CLIP2: variants seen among roughly 807,000 people sequenced by gnomAD.
CLIP2 encodes CAP-Gly domain containing linker protein 2.
CLIP2 carries 41 observed loss-of-function variants against 111.7 expected under a neutral mutation model. The ratio of observed to expected loss-of-function variants is 0.37; its 90% CI spans 0.29 to 0.48. The LOEUF is 0.48. Ranked by LOEUF, CLIP2 falls within the 20% of genes least tolerant of loss-of-function variation. The pLI, the probability that CLIP2 is intolerant of heterozygous loss-of-function variation, is 0.99. For missense variants in CLIP2, 1,160 were observed against 1,422.1 expected (o/e 0.82, Z 2.96); for synonymous variants, 660 against 644.2 (o/e 1.02, Z -0.37).
intron 1 of CLIP2, among the ~76,000 whole-genome samples, chr7:74,298,878 G>T (rs1477876601): frequency 1.3e-5 from 2 of 152,080 alleles, no homozygotes; most frequent in African/African-American, 4.8e-5. Context: ...AAAAAGTTGC[G>T]CCCAGTGAGA....
Position 74,376,859 on chromosome 7 carries a change from G to C in CLIP2, c.2421+37G>C, listed in dbSNP as rs782478340. 8 of 1,485,572 alleles carry C rather than the reference G, an allele frequency of 5.4e-6. No individual in the cohort carries two copies. Among genetic ancestry groups the C allele is most frequent in the Non-Finnish European group, 6.3e-6 (7 of 1,115,224 alleles). 92.0% of individuals were successfully genotyped at this position (1,485,572 alleles called of 1,614,324 possible). A position where few individuals can be genotyped will look rare whatever the true frequency, so the allele number is the denominator to read the frequency against. On this transcript the variant is annotated intron_variant, in intron 10 of 16. Coordinates refer to ENST00000223398, the MANE Select transcript of CLIP2 (RefSeq NM_003388.5). This position sits in a 1 kb window ranked among gnomAD's most constrained non-coding sequence, Gnocchi z 7.1. ...CCCCTCCTGCTGGGGCGGGAGGGTC[G>C]GGCTGGGGAGGGCTTGGCCTTTTGC...
At chr7:74,306,053 C>T (rs1222616378) in intron 1 of CLIP2, among the ~76,000 whole-genome samples, 3 of 152,228 alleles carry the variant, frequency 2.0e-5, no homozygotes, top group African/African-American at 7.2e-5. Context: ...TGCTGCCTTC[C>T]AGCCCCACCA....
chr7:74,387,997 A>G (rs547519079), intron 12 of CLIP2, among the ~76,000 whole-genome samples: 3 of 152,190 alleles, frequency 2.0e-5, no homozygotes, highest in Admixed American at 1.3e-4. Flanking sequence ...AGACCAGCCT[A>G]TGAAACATTG....
intron 8 of CLIP2, among the ~76,000 whole-genome samples, chr7:74,371,426 G>A (rs1294875290): frequency 6.6e-6 from 1 of 151,546 alleles, no homozygotes; most frequent in East Asian, 1.9e-4. Context: ...CCACCGACGG[G>A]GATAGGGGTG....
intron 14 of CLIP2, among the ~76,000 whole-genome samples, chr7:74,399,839 C>T (rs1791568616): frequency 6.6e-6 from 1 of 151,132 alleles, no homozygotes; most frequent in African/African-American, 2.4e-5. Context: ...CAGGCTCGGT[C>T]TCTGTCTCTT....
rs563297345 is a variant in CLIP2 at position 74,347,677 on chromosome 7, C to T, written c.679-6203C>T. On this transcript the variant is annotated intron_variant, in intron 3 of 16. Transcript: ENST00000223398. ...TTACAGGAAACTTCTCTGGAGAAAA[C>T]AGCTGGTCCTCTGAGAAATAAGAGA... is the stretch of plus-strand genomic sequence containing the variant. Among the ~76,000 whole-genome samples, 10 of 152,328 alleles carry T rather than the reference C, an allele frequency of 6.6e-5. No homozygotes were observed. The East Asian group carries it at 1.9e-3, about 29-fold the overall frequency.
chr7:74,350,168 C>T (rs1789943052), intron 3 of CLIP2, among the ~76,000 whole-genome samples: 1 of 151,994 alleles, frequency 6.6e-6, no homozygotes, highest in South Asian at 2.1e-4. Flanking sequence ...ATTCTCATCT[C>T]AGCCTCCTGA....
intron 8 of CLIP2, among the ~76,000 whole-genome samples, chr7:74,370,455 C>CAAA (rs555830727): frequency 1.2e-5 from 1 of 82,178 alleles, no homozygotes. Flanking sequence ...GACTCCGTCT[C>CAAA]AAAAAAAAAA....
At chr7:74,325,597 C>T (rs904636718) in intron 2 of CLIP2, among the ~76,000 whole-genome samples, 10 of 152,082 alleles carry the variant, frequency 6.6e-5, no homozygotes, top group East Asian at 3.8e-4. Flanking sequence ...TTTGAGAGGC[C>T]GACGCAGGTG....
At chr7:74,311,247 G>A (rs1398342829) in intron 1 of CLIP2, among the ~76,000 whole-genome samples, 7 of 152,100 alleles carry the variant, frequency 4.6e-5, no homozygotes, top group African/African-American at 1.4e-4. Flanking sequence ...CCAAAGTGCC[G>A]GGATTACAGG....
chr7:74,336,701 A>G (rs1789470083), intron 2 of CLIP2, among the ~76,000 whole-genome samples: 1 of 151,878 alleles, frequency 6.6e-6, no homozygotes, highest in Non-Finnish European at 1.5e-5. Context: ...CCTGCTGCCT[A>G]TTGTCTGGGA....
intron 3 of CLIP2, among the ~76,000 whole-genome samples, chr7:74,352,441 C>G (rs1416623288): frequency 1.3e-5 from 2 of 149,554 alleles, no homozygotes; most frequent in Non-Finnish European, 3.0e-5. Flanking sequence ...TGTCTTAAAA[C>G]AAAAACAAAA....
intron 7 of CLIP2, among the ~76,000 whole-genome samples, chr7:74,361,819 G>A (rs1562710358): frequency 6.6e-6 from 1 of 152,180 alleles, no homozygotes; most frequent in Non-Finnish European, 1.5e-5. Flanking sequence ...TCGCTTTCAA[G>A]GCCAGATGCA....
chr7:74,397,141 C>T lies in CLIP2; in HGVS notation c.2788C>T (p.Leu930=). Reference sequence around the variant, plus strand: ...TCACTCCCCAGGGCCGGAGAGGGACCTGAGCCGTGAGGTACACAAGGCTGA... The same window carrying T: ...TCACTCCCCAGGGCCGGAGAGGGACTTGAGCCGTGAGGTACACAAGGCTGA... ...NRHSPGPERD[L]SREVHKAEWR... The change falls in exon 14 of 17, where the codon CTG becomes TTG. Residue 930 remains leucine, a synonymous_variant. Coordinates refer to ENST00000223398, the MANE Select transcript of CLIP2 (RefSeq NM_003388.5). 1 of 1,613,840 alleles carries T rather than the reference C, an allele frequency of 6.2e-7. No homozygotes were observed. Among genetic ancestry groups the T allele is most frequent in the East Asian group, 2.2e-5 (1 of 44,868 alleles).
chr7:74,292,767 C>G (rs1387293408), intron 1 of CLIP2, among the ~76,000 whole-genome samples: 2 of 152,278 alleles, frequency 1.3e-5, no homozygotes, highest in South Asian at 2.1e-4. Flanking sequence ...ATAAGAATAT[C>G]CTGGCACAAA....
intron 3 of CLIP2, 102 bp from the exon 4 acceptor site, chr7:74,353,778 A>G: frequency 2.6e-6 from 4 of 1,527,662 alleles, no homozygotes; most frequent in Non-Finnish European, 3.6e-6. Context: ...TGTCCTCTGC[A>G]TGCTGGAAGG....
At chr7:74,331,255 C>A (rs572279717) in intron 2 of CLIP2, among the ~76,000 whole-genome samples, 2 of 148,058 alleles carry the variant, frequency 1.4e-5, no homozygotes, top group South Asian at 4.3e-4. Context: ...GCCTCTGAGC[C>A]CTGAGAAGGA....
At chr7:74,375,031 G>C (rs2116652408) in intron 9 of CLIP2, among the ~76,000 whole-genome samples, 1 of 152,068 alleles carries the variant, frequency 6.6e-6, no homozygotes, top group Admixed American at 6.5e-5. Flanking sequence ...ATTCACTGTG[G>C]CCTCTGTTCT....
intron 2 of CLIP2, among the ~76,000 whole-genome samples, chr7:74,321,284 TCCCTTC>T (rs1554729984): frequency 2.0e-5 from 3 of 152,060 alleles, no homozygotes; most frequent in Non-Finnish European, 2.9e-5. Flanking sequence ...TTTAACCTTC[TCCCTTC>T]CCCCTTACCA....
Sources: allele counts gnomAD v4.1 joint callset (sites outside exome capture counted in the v4.1 genomes callset), GRCh38; gene constraint gnomAD v4.1.1; non-coding constraint Gnocchi (gnomAD v3.1); transcripts MANE v1.5; gene names NCBI Gene and HGNC (gene_info 2026-07-23, HGNC 2026-07-21).